Variants in ADGRL3 observed in about 807,000 individuals in gnomAD.
The protein encoded by ADGRL3 is calcium-independent alpha-latrotoxin receptor 3.
A neutral mutation model predicts 153.5 loss-of-function variants in ADGRL3; 62 were observed. The observed-to-expected ratio is 0.40, with a 90% CI of 0.33 to 0.50. The LOEUF is 0.50. Ranked by LOEUF, ADGRL3 falls within the 20% of genes least tolerant of loss-of-function variation. ADGRL3 has a pLI of 0.47. For missense variants in ADGRL3, 1,641 were observed against 1,859.4 expected (o/e 0.88, Z 2.16); for synonymous variants, 710 against 672.5 (o/e 1.06, Z -0.86).
chr4:61,314,428 C>T (rs527753327), intron 1 of ADGRL3, among the ~76,000 whole-genome samples: 2 of 152,180 alleles, frequency 1.3e-5, no homozygotes, highest in East Asian at 1.9e-4. Flanking sequence ...AGGCTGGTCT[C>T]GAACTCCTGA....
intron 8 of ADGRL3, among the ~76,000 whole-genome samples, chr4:61,812,871 AC>A (rs2097646672): frequency 6.6e-6 from 1 of 152,148 alleles, no homozygotes. Flanking sequence ...TAATCCATCT[AC>A]TTCCCTTTTA....
chr4:61,610,040 C>G (rs936913166), intron 5 of ADGRL3, among the ~76,000 whole-genome samples: 2 of 150,890 alleles, frequency 1.3e-5, no homozygotes, highest in East Asian at 3.9e-4. Flanking sequence ...AGTAGGACAC[C>G]CAGAGGGTTC....
intron 1 of ADGRL3, among the ~76,000 whole-genome samples, chr4:61,325,761 A>C (rs977349310): frequency 1.3e-5 from 2 of 152,162 alleles, no homozygotes; most frequent in African/African-American, 4.8e-5. Context: ...GTAGAGTAAA[A>C]ATATGTTTAA....
intron 2 of ADGRL3, chr4:61,385,342 A>C (rs934919183): frequency 6.6e-6 from 1 of 152,312 alleles, no homozygotes; most frequent in African/African-American, 2.4e-5. Flanking sequence ...GATACTTCAC[A>C]GACTGTTCCA....
Position 61,938,328 on chromosome 4 carries a change from A to C in ADGRL3, c.2419+2283A>C, listed in dbSNP as rs369910194. Reference sequence around the variant, plus strand: ...ATATCAAATCTAGAGGGAAAGAACAAAATTAAATTATGTTATAACAGATAA... The same window carrying C: ...ATATCAAATCTAGAGGGAAAGAACACAATTAAATTATGTTATAACAGATAA... On this transcript the variant is annotated intron_variant, in intron 15 of 26. Coordinates refer to ENST00000683033, the MANE Select transcript of ADGRL3 (RefSeq NM_001387552.1). Among the ~76,000 whole-genome samples, 27 of 152,312 alleles carry C rather than the reference A, an allele frequency of 1.8e-4. 1 individual carries two copies. The highest frequency in any genetic ancestry group is 1.7e-3 in the East Asian group (9 of 5,184).
intron 1 of ADGRL3, among the ~76,000 whole-genome samples, chr4:61,278,808 G>C (rs775141478): frequency 6.6e-5 from 10 of 152,064 alleles, no homozygotes; most frequent in Non-Finnish European, 1.3e-4. Context: ...ACCTGGCCGT[G>C]GTACTACTTC....
rs1413092337 is a variant in ADGRL3 at position 61,469,793 on chromosome 4, G to A, written c.-173-27328G>A. On this transcript the variant is annotated intron_variant, in intron 2 of 26. Coordinates refer to ENST00000683033, the MANE Select transcript of ADGRL3 (RefSeq NM_001387552.1). ...ACAAGTAGTATAGAAATTCATTTAG[G>A]GCATAGGATGATTTACTTGAGAAGT... is the stretch of plus-strand genomic sequence containing the variant. Among the ~76,000 whole-genome samples, 6 of 151,988 alleles carry A rather than the reference G, an allele frequency of 3.9e-5. No homozygotes were observed. The East Asian group carries it at 1.2e-3, about 29-fold the overall frequency.
At chr4:61,425,328 C>T (rs2097263468) in intron 2 of ADGRL3, 2 of 152,322 alleles carry the variant, frequency 1.3e-5, no homozygotes, top group Non-Finnish European at 2.9e-5. Context: ...ACATTCCAGG[C>T]ATCGCCCATG....
intron 6 of ADGRL3, among the ~76,000 whole-genome samples, chr4:61,692,444 A>C (rs1370277405): frequency 7.4e-6 from 1 of 134,580 alleles, no homozygotes; most frequent in Non-Finnish European, 1.6e-5. Flanking sequence ...CTCTCTTCCT[A>C]TTTTTTTTTT....
At chr4:61,518,616 A>C (rs1353703774) in intron 4 of ADGRL3, among the ~76,000 whole-genome samples, 1 of 152,206 alleles carries the variant, frequency 6.6e-6, no homozygotes, top group Non-Finnish European at 1.5e-5. Context: ...GAGTAAGAGC[A>C]TGTGTAACTT....
chr4:61,532,554 G>GTGTA (rs2098628578), intron 4 of ADGRL3, among the ~76,000 whole-genome samples: 3 of 120,056 alleles, frequency 2.5e-5, no homozygotes, highest in South Asian at 5.0e-4. Flanking sequence ...GCGCGCGCGC[G>GTGTA]CGTGTGTGTG....
At chr4:61,798,720 G>T (rs2097446219) in intron 8 of ADGRL3, among the ~76,000 whole-genome samples, 3 of 151,324 alleles carry the variant, frequency 2.0e-5, no homozygotes. Context: ...TGGGTTCCAG[G>T]GATTCTCCTG....
At position 61,202,468 on chromosome 4, in the gene ADGRL3, G is replaced by T. The variant is rs1434231798; in HGVS notation, c.-240+703G>T. On this transcript the variant is annotated intron_variant, in intron 1 of 26. Coordinates refer to ENST00000683033, the MANE Select transcript of ADGRL3 (RefSeq NM_001387552.1). The surrounding 1 kb of genome is among the most constrained non-coding windows in gnomAD (Gnocchi z 5.0). ...TTGGCTGGAGAAAGCTGCCACTTTC[G>T]TGGGTGGCCCGGGCTGCGCTGTGCT... Among the ~76,000 whole-genome samples the T allele has an allele frequency of 6.6e-6, 1 of 152,154 alleles. No individual in the cohort carries two copies. The highest frequency in any genetic ancestry group is 1.5e-5 in the Non-Finnish European group (1 of 68,032).
chr4:61,217,012 C>A (rs1385715443), intron 1 of ADGRL3, among the ~76,000 whole-genome samples: 2 of 152,144 alleles, frequency 1.3e-5, no homozygotes, highest in Non-Finnish European at 2.9e-5. Flanking sequence ...TATTTTTCTG[C>A]AGTTCCCAAA....
intron 15 of ADGRL3, among the ~76,000 whole-genome samples, chr4:61,945,942 G>T (rs996584267): frequency 6.6e-6 from 1 of 152,036 alleles, no homozygotes; most frequent in East Asian, 1.9e-4. Flanking sequence ...GTTCCTATTC[G>T]GCCATCTTGG....
chr4:61,242,225 G>A (rs748004243), intron 1 of ADGRL3, among the ~76,000 whole-genome samples: 6 of 152,012 alleles, frequency 3.9e-5, no homozygotes, highest in Admixed American at 6.6e-5. Flanking sequence ...TCCCTGTTCT[G>A]ATTGTAACCT....
At chr4:61,471,175 A>C (rs1483145332) in intron 2 of ADGRL3, among the ~76,000 whole-genome samples, 1 of 151,684 alleles carries the variant, frequency 6.6e-6, no homozygotes, top group African/African-American at 2.4e-5. Flanking sequence ...GCAAGTATTT[A>C]CTTGTTTACT....
At chr4:61,321,307 G>A (rs764252612) in intron 1 of ADGRL3, among the ~76,000 whole-genome samples, 3 of 152,042 alleles carry the variant, frequency 2.0e-5, no homozygotes, top group Non-Finnish European at 4.4e-5. Context: ...ACCTAAGTTG[G>A]TAGTCCCAGC....
intron 2 of ADGRL3, among the ~76,000 whole-genome samples, chr4:61,406,097 ACT>A (rs2152200202): frequency 6.6e-6 from 1 of 152,058 alleles, no homozygotes; most frequent in East Asian, 1.9e-4. Context: ...CTATATATCT[ACT>A]GTCTGTGTAT....
Sources: gnomAD v4.1 joint callset for allele counts (sites outside exome capture counted in the v4.1 genomes callset) on GRCh38, gnomAD v4.1.1 for gene constraint, Gnocchi (gnomAD v3.1) non-coding constraint, MANE v1.5 for transcripts, NCBI Gene and HGNC (gene_info 2026-07-23, HGNC 2026-07-21) for gene names.